Variants in DTD1 observed in about 807,000 individuals in gnomAD.
DTD1 encodes the protein D-tyrosyl-tRNA deacylase 1 homolog.
DTD1 carries 13 observed loss-of-function variants against 25.6 expected under a neutral mutation model. The ratio of observed to expected loss-of-function variants is 0.51; its 90% CI spans 0.33 to 0.81. The LOEUF (loss-of-function observed/expected upper bound fraction) is 0.81. Among genes scored for constraint, DTD1 ranks in the 30% least tolerant of loss-of-function variants. The probability of loss-of-function intolerance (pLI) is 0.02; values close to 1 mark genes in which losing one functional copy is unlikely to be tolerated. For missense variants in DTD1, 193 were observed against 266.4 expected, an observed-to-expected ratio of 0.72 and a Z score of 1.92; for synonymous variants, 110 against 103.6, an observed-to-expected ratio of 1.06 and a Z score of -0.37.
chr20:18,622,921 A>G (rs2060740953), intron 3 of DTD1, among the ~76,000 whole-genome samples: 1 of 136,612 alleles, frequency 7.3e-6, no homozygotes, highest in African/African-American at 2.7e-5. Flanking sequence ...TTTCCAACTT[A>G]TTAGAAGACA....
intron 4 of DTD1, among the ~76,000 whole-genome samples, chr20:18,684,434 A>G (rs2061008929): frequency 6.6e-6 from 1 of 151,948 alleles, no homozygotes; most frequent in African/African-American, 2.4e-5. Flanking sequence ...TTATAGGTGT[A>G]TGCCATCATA....
At chr20:18,669,272 G>T (rs2060943475) in intron 4 of DTD1, among the ~76,000 whole-genome samples, 1 of 152,196 alleles carries the variant, frequency 6.6e-6, no homozygotes, top group Non-Finnish European at 1.5e-5. Flanking sequence ...GGGTTTGCCA[G>T]CAGGGTCCCC....
intron 3 of DTD1, among the ~76,000 whole-genome samples, chr20:18,620,399 C>A (rs1429105291): frequency 6.6e-6 from 1 of 152,224 alleles, no homozygotes; most frequent in Non-Finnish European, 1.5e-5. Flanking sequence ...TAACCCCAAC[C>A]TATGCCACTG....
chr20:18,737,918 A>G (rs1395268919), intron 4 of DTD1, among the ~76,000 whole-genome samples: 5 of 152,198 alleles, frequency 3.3e-5, no homozygotes, highest in Admixed American at 6.5e-5. Context: ...CTTTCTACCC[A>G]TGAAGACAAG....
At position 18,623,874 on chromosome 20, in the gene DTD1, C is replaced by CTGTGTGTGTGTGTGTGTGTGTGTGTG. The variant is rs55984974; in HGVS notation, c.371-4245_371-4220dup. 3.1e-3 allele frequency among the ~76,000 whole-genome samples: 444 copies of CTGTGTGTGTGTGTGTGTGTGTGTGTG among 143,714 alleles called. 3 individuals carry two copies. Among genetic ancestry groups the CTGTGTGTGTGTGTGTGTGTGTGTGTG allele is most frequent in the Non-Finnish European group, 4.3e-3 (283 of 65,272 alleles). 94.3% of individuals were successfully genotyped at this position (143,714 alleles called of 152,430 possible). On this transcript the variant is annotated intron_variant, in intron 3 of 5. Transcript: ENST00000377452. The stretch of plus-strand genomic sequence containing the variant: ...TTCTCAACAGTACTTACAAGAAGAA[C>CTGTGTGTGTGTGTGTGTGTGTGTGTG]TGTGTGTGTGTGTGTGTGTGTGTGT...
At chr20:18,598,703 G>T (rs1190327805) in intron 3 of DTD1, among the ~76,000 whole-genome samples, 1 of 151,260 alleles carries the variant, frequency 6.6e-6, no homozygotes, top group Non-Finnish European at 1.5e-5. Context: ...TAGAGATGGG[G>T]TTTTACCATG....
intron 4 of DTD1, among the ~76,000 whole-genome samples, chr20:18,731,528 C>T (rs1428259224): frequency 6.6e-6 from 1 of 152,186 alleles, no homozygotes. Flanking sequence ...AATCCTTGTC[C>T]TCTTATCCAT....
chr20:18,735,569 C>A (rs2069124507), intron 4 of DTD1, among the ~76,000 whole-genome samples: 2 of 152,212 alleles, frequency 1.3e-5, no homozygotes, highest in South Asian at 4.1e-4. Flanking sequence ...CCAAAGGGGA[C>A]AAATTGATTG....
chr20:18,614,806 C>T (rs1038088779), intron 3 of DTD1, among the ~76,000 whole-genome samples: 1 of 151,924 alleles, frequency 6.6e-6, no homozygotes, highest in Non-Finnish European at 1.5e-5. Flanking sequence ...CTTCTCCCTC[C>T]CTCTCTCCCT....
chr20:18,719,574 C>T (rs949704561), intron 4 of DTD1, among the ~76,000 whole-genome samples: 2 of 152,184 alleles, frequency 1.3e-5, no homozygotes, highest in African/African-American at 4.8e-5. Flanking sequence ...TTTGTGGTTA[C>T]CAGTGCATAG....
At position 18,631,871 on chromosome 20, in the gene DTD1, C is replaced by A. The variant is rs1401723623; in HGVS notation, c.477+3638C>A. The A allele has an allele frequency of 3.0e-6, 3 of 985,076 alleles. No individual in the cohort carries two copies. The African/African-American group carries it at 5.2e-5, about 17-fold the overall frequency. The allele number at this position is 985,076 out of a possible 1,614,324, so 61.0% of individuals were successfully genotyped here. On this transcript the variant is annotated intron_variant, in intron 4 of 5. Transcript: ENST00000377452. ...GGAAATGGTAGAATAGTACATTTTG[C>A]CTTTAGAATCTTCACCTTTCTTTCA...
At chr20:18,665,875 G>A (rs984450074) in intron 4 of DTD1, among the ~76,000 whole-genome samples, 1 of 152,116 alleles carries the variant, frequency 6.6e-6, no homozygotes, top group Non-Finnish European at 1.5e-5. Flanking sequence ...TGCAAAAATA[G>A]AAATGTTGCT....
chr20:18,696,496 C>G (rs889082840), intron 4 of DTD1, among the ~76,000 whole-genome samples: 2 of 152,176 alleles, frequency 1.3e-5, no homozygotes, highest in African/African-American at 4.8e-5. Context: ...GACTGACACA[C>G]TGAGTCAGCA....
chr20:18,733,021 G>A (rs1185595969), intron 4 of DTD1, among the ~76,000 whole-genome samples: 1 of 152,206 alleles, frequency 6.6e-6, no homozygotes, highest in Non-Finnish European at 1.5e-5. Context: ...AGGTCCCCAA[G>A]TGAAAGGATT....
intron 3 of DTD1, among the ~76,000 whole-genome samples, chr20:18,624,301 G>A (rs950368498): frequency 6.6e-6 from 1 of 152,158 alleles, no homozygotes; most frequent in African/African-American, 2.4e-5. Context: ...AAATACATAA[G>A]AAACTCATAA....
Position 18,595,621 on chromosome 20 carries a change from T to G in DTD1, c.135-385T>G, listed in dbSNP as rs530888188. ...GAAGGGGTTTAAAAATGGATGTCAT[T>G]TATCCTAACATGATGAATTCGTTCA... On this transcript the variant is annotated intron_variant, in intron 2 of 5. Transcript: ENST00000377452. 3.3e-5 allele frequency among the ~76,000 whole-genome samples: 5 copies of G among 152,268 alleles called. No individual in the cohort carries two copies. The East Asian group carries it at 9.6e-4, about 29-fold the overall frequency.
chr20:18,693,666 A>AAG (rs2122441627), intron 4 of DTD1, among the ~76,000 whole-genome samples: 1 of 151,876 alleles, frequency 6.6e-6, no homozygotes, highest in East Asian at 1.9e-4. Flanking sequence ...TAAAAAAAAA[A>AAG]AAAAAAATTG....
intron 5 of DTD1, among the ~76,000 whole-genome samples, chr20:18,751,740 C>A (rs1484561933): frequency 6.6e-6 from 1 of 152,124 alleles, no homozygotes; most frequent in Non-Finnish European, 1.5e-5. Context: ...GTGATCCACA[C>A]ACCTCAGCCT....
intron 3 of DTD1, among the ~76,000 whole-genome samples, chr20:18,608,436 G>A (rs538020168): frequency 6.6e-6 from 1 of 151,400 alleles, no homozygotes; most frequent in African/African-American, 2.4e-5. Flanking sequence ...TATATGTGCT[G>A]CTGAAGCAAG....
Sources: gnomAD v4.1 joint callset for allele counts (sites outside exome capture counted in the v4.1 genomes callset) on GRCh38, gnomAD v4.1.1 for gene constraint, MANE v1.5 for transcripts, NCBI Gene and HGNC (gene_info 2026-07-23, HGNC 2026-07-21) for gene names.